CHCHD4: variants seen among roughly 807,000 people sequenced by gnomAD.
CHCHD4 encodes the protein mitochondrial intermembrane space import and assembly protein 40.
A neutral mutation model predicts 12.4 loss-of-function variants in CHCHD4; 7 were observed. That is an observed-to-expected ratio of 0.57 (90% CI 0.32 to 1.06). The LOEUF (loss-of-function observed/expected upper bound fraction) is 1.06, where lower values mean the gene tolerates loss of function less well. Among genes scored for constraint, CHCHD4 ranks in the 50% least tolerant of loss-of-function variants. The pLI, the probability that CHCHD4 is intolerant of heterozygous loss-of-function variation, is 0.04. For synonymous variants in CHCHD4, 56 were observed against 58.0 expected (o/e 0.97, Z 0.16); for missense variants, 143 against 175.1 (o/e 0.82, Z 1.03).
chr3:14,121,514 CCT>C (rs1423473281), intron 1 of CHCHD4, among the ~76,000 whole-genome samples: 3 of 152,182 alleles, frequency 2.0e-5, no homozygotes, highest in East Asian at 1.9e-4. Flanking sequence ...AAGGAATGCC[CCT>C]GTGTCCTGCA....
chr3:14,114,923 GC>G (rs1281691489), intron 2 of CHCHD4, among the ~76,000 whole-genome samples: 2 of 152,164 alleles, frequency 1.3e-5, no homozygotes, highest in Non-Finnish European at 2.9e-5. Context: ...CCCCGCCCAG[GC>G]CCCCAGTTTT....
chr3:14,113,041 C>T lies in CHCHD4; in HGVS notation c.275G>A (p.Arg92Gln), dbSNP rs552284576. ...TTTCTGCATGCATTCCTGCATGGCC[C>T]GGAACTGGTCTACACAGTCTGACCC... is the stretch of plus-strand genomic sequence containing the variant. The part of the protein sequence containing the change: ...IKGSDCVDQF[R>Q]AMQECMQKYP... The change falls in exon 3 of 3, where the codon CGG becomes CAG. Residue 92 changes from arginine to glutamine, a missense_variant. Physicochemically the swap from Arg to Gln is conservative, Grantham distance 43. Coordinates refer to ENST00000396914, the MANE Select transcript of CHCHD4 (RefSeq NM_001098502.2). 1.0e-4 allele frequency: 161 copies of T among 1,613,874 alleles called. No homozygotes were observed. Among genetic ancestry groups the T allele is most frequent in the Non-Finnish European group, 1.3e-4 (150 of 1,180,010 alleles).
chr3:14,118,913 C>T (rs1694904526), intron 1 of CHCHD4, among the ~76,000 whole-genome samples: 1 of 152,250 alleles, frequency 6.6e-6, no homozygotes, highest in African/African-American at 2.4e-5. Context: ...GGCCCAGTCA[C>T]AGGCACAGAA....
At chr3:14,119,877 G>T (rs759408360) in intron 1 of CHCHD4, among the ~76,000 whole-genome samples, 4 of 152,168 alleles carry the variant, frequency 2.6e-5, no homozygotes, top group Admixed American at 6.5e-5. Context: ...CGTGGTTGGG[G>T]AGGTGAAATG....
chr3:14,123,472 G>T (rs1462020373), intron 1 of CHCHD4, among the ~76,000 whole-genome samples: 1 of 149,998 alleles, frequency 6.7e-6, no homozygotes, highest in African/African-American at 2.4e-5. Context: ...GAGGAGGAGA[G>T]GTTCTAGAAG....
chr3:14,124,133 A>G (rs1033900691), intron 1 of CHCHD4, among the ~76,000 whole-genome samples: 1 of 152,228 alleles, frequency 6.6e-6, no homozygotes, highest in Non-Finnish European at 1.5e-5. Flanking sequence ...AAGCCAGGCA[A>G]GTTTCCTTGA....
intron 1 of CHCHD4, among the ~76,000 whole-genome samples, chr3:14,118,372 A>G (rs1337758068): frequency 2.0e-5 from 3 of 152,218 alleles, no homozygotes; most frequent in Non-Finnish European, 4.4e-5. Context: ...TGCTGAGGGG[A>G]AAGCAAGGAA....
At chr3:14,124,353 T>C (rs1481563870) in intron 1 of CHCHD4, among the ~76,000 whole-genome samples, 1 of 152,176 alleles carries the variant, frequency 6.6e-6, no homozygotes, top group Non-Finnish European at 1.5e-5. Context: ...CGCAACGTGC[T>C]CGGCACTTCC....
chr3:14,121,999 G>C, intron 1 of CHCHD4: 1 of 1,613,908 alleles, frequency 6.2e-7, no homozygotes, highest in Non-Finnish European at 8.5e-7. Flanking sequence ...GACGGAAGGG[G>C]AGGGATCCTA....
At chr3:14,113,403 G>A (rs374353747) in intron 2 of CHCHD4, among the ~76,000 whole-genome samples, 12 of 152,274 alleles carry the variant, frequency 7.9e-5, no homozygotes, top group Middle Eastern at 6.8e-3. Flanking sequence ...ATTTCTCCAC[G>A]TGTGACACTA....
chr3:14,114,506 A>G (rs1056441968), intron 2 of CHCHD4, among the ~76,000 whole-genome samples: 116 of 151,896 alleles, frequency 7.6e-4, no homozygotes, highest in Non-Finnish European at 1.0e-3. Flanking sequence ...ACATCTCACC[A>G]CTTCTTGAAA....
intron 2 of CHCHD4, 66 bp downstream of exon 2, chr3:14,116,360 A>C: frequency 9.0e-7 from 1 of 1,106,476 alleles, no homozygotes; most frequent in Non-Finnish European, 1.4e-6. Flanking sequence ...TGGGAAAGGA[A>C]TTAAGAACAC....
Position 14,112,902 on chromosome 3 carries a change from C to T in CHCHD4, c.414G>A (p.Glu138=), listed in dbSNP as rs61734722. The change falls in exon 3 of 3, where the codon GAG becomes GAA. Residue 138 remains glutamate (E), a synonymous_variant. Coordinates refer to ENST00000396914, the MANE Select transcript of CHCHD4 (RefSeq NM_001098502.2). ...APIEATATKE[E]EGSS ...GTGGCCTTCATTAACTTGATCCCTCCTCTTCTTTGGTTGCAGTGGCCTCAA... is the reference window on the plus strand; with the variant it reads ...GTGGCCTTCATTAACTTGATCCCTCTTCTTCTTTGGTTGCAGTGGCCTCAA... 3.8e-4 allele frequency: 613 copies of T among 1,612,200 alleles called. 4 individuals are homozygous for T. In the African/African-American group the frequency reaches 6.7e-3, roughly 18 times the overall value.
In CHCHD4 at chr3:14,124,708, G is replaced by T; in HGVS notation, c.-32C>A. Reference sequence around the variant, plus strand: ...AGCCCGTCCCTGAGACCTTGCAGAAGCGGCGGTGGCGGCAGCTGCACCTTT... The same window carrying T: ...AGCCCGTCCCTGAGACCTTGCAGAATCGGCGGTGGCGGCAGCTGCACCTTT... On this transcript the variant is annotated 5_prime_UTR_variant, in exon 1 of 3. Coordinates refer to ENST00000396914, the MANE Select transcript of CHCHD4 (RefSeq NM_001098502.2). 1 of 1,517,722 alleles carries T rather than the reference G, an allele frequency of 6.6e-7. No individual in the cohort carries two copies. The allele number at this position is 1,517,722 out of a possible 1,614,324, so 94.0% of individuals were successfully genotyped here.
chr3:14,119,387 G>C (rs1277603025), intron 1 of CHCHD4: 1 of 151,352 alleles, frequency 6.6e-6, no homozygotes, highest in Non-Finnish European at 1.5e-5. Flanking sequence ...GAAAGATCTG[G>C]AGTATGTCCC....
chr3:14,124,469 T>G (rs1559358470), intron 1 of CHCHD4, among the ~76,000 whole-genome samples, 186 bp downstream of exon 1: 3 of 151,922 alleles, frequency 2.0e-5, no homozygotes. Context: ...CCCCCAGAGC[T>G]TCGGTTTTCT....
Position 14,121,986 on chromosome 3 carries a change from G to A in CHCHD4, c.22+2669C>T, listed in dbSNP as rs541920796. 10 of 1,614,074 alleles carry A rather than the reference G, an allele frequency of 6.2e-6. No homozygotes were observed. In the African/African-American group the frequency reaches 1.1e-4, roughly 17 times the overall value. On this transcript the variant is annotated intron_variant, in intron 1 of 2. Transcript: ENST00000396914. ...GAATACGACACAGGCATCCAGTGGA[G>A]AAGACGGAAGGGGAGGGATCCTACC...
chr3:14,118,318 C>T (rs1219237951), intron 1 of CHCHD4, among the ~76,000 whole-genome samples: 1 of 152,304 alleles, frequency 6.6e-6, no homozygotes, highest in East Asian at 1.9e-4. Flanking sequence ...TCTCTGATCA[C>T]TTTATACTTT....
At chr3:14,116,594 G>A in intron 1 of CHCHD4, 70 bp from the exon 2 acceptor site, 1 of 1,167,520 alleles carries the variant, frequency 8.6e-7, no homozygotes, top group Non-Finnish European at 1.3e-6. Context: ...ACCCAAAGCA[G>A]CCGCCACACA....
Sources: gnomAD v4.1 joint callset for allele counts (sites outside exome capture counted in the v4.1 genomes callset) on GRCh38, gnomAD v4.1.1 for gene constraint, MANE v1.5 for transcripts, NCBI Gene and HGNC (gene_info 2026-07-23, HGNC 2026-07-21) for gene names.